SPTLC1: variants seen among roughly 807,000 people sequenced by gnomAD.
SPTLC1 encodes the protein serine palmitoyltransferase long chain base subunit 1.
SPTLC1 carries 55 observed loss-of-function variants against 68.9 expected under a neutral mutation model. The ratio of observed to expected loss-of-function variants is 0.80; its 90% CI spans 0.64 to 1.00. The LOEUF (loss-of-function observed/expected upper bound fraction) is 1.00, where lower values mean the gene tolerates loss of function less well. Among genes scored for constraint, SPTLC1 ranks in the 50% least tolerant of loss-of-function variants. SPTLC1 has a pLI of 0.00. For missense variants in SPTLC1, 449 were observed against 573.1 expected (o/e 0.78, Z 2.21); for synonymous variants, 197 against 201.6 (o/e 0.98, Z 0.19).
At chr9:92,036,160 G>GT (rs1397905466) in intron 13 of SPTLC1, among the ~76,000 whole-genome samples, 1 of 152,190 alleles carries the variant, frequency 6.6e-6, no homozygotes, top group Admixed American at 6.6e-5. Context: ...TATCAATGAA[G>GT]TTTCTAGATA....
intron 1 of SPTLC1, among the ~76,000 whole-genome samples, chr9:92,113,696 G>A (rs1247119821): frequency 2.6e-5 from 4 of 152,170 alleles, no homozygotes; most frequent in Non-Finnish European, 4.4e-5. Context: ...TAATACATGA[G>A]CATAAGACAG....
At position 92,114,205 on chromosome 9, in the gene SPTLC1, C is replaced by A. The variant is rs143944489; in HGVS notation, c.57+1109G>T. ...GGATCGCTTGAGTCTGGGAGGTCAA[C>A]GCAGCAGTGAGCTGATCGCACCACT... On this transcript the variant is annotated intron_variant, in intron 1 of 14. Transcript: ENST00000262554. 1.7e-3 allele frequency among the ~76,000 whole-genome samples: 251 copies of A among 152,004 alleles called. 2 individuals carry two copies. Among genetic ancestry groups the A allele is most frequent in the African/African-American group, 5.5e-3 (230 of 41,480 alleles).
At chr9:92,108,248 T>TA (rs569761144) in intron 3 of SPTLC1, 66 of 165,790 alleles carry the variant, frequency 4.0e-4, no homozygotes, top group Middle Eastern at 3.1e-3. Context: ...GAATGAAAAG[T>TA]AAAAAATAGA....
intron 6 of SPTLC1, among the ~76,000 whole-genome samples, chr9:92,059,545 C>G (rs187826813): frequency 6.6e-6 from 1 of 152,308 alleles, no homozygotes; most frequent in East Asian, 1.9e-4. Context: ...ATATTAATCT[C>G]TCTGAAATTA....
intron 2 of SPTLC1, 80 bp downstream of exon 2, chr9:92,112,375 G>T: frequency 9.8e-7 from 1 of 1,017,628 alleles, no homozygotes. Flanking sequence ...ACATGGTTGA[G>T]CCACCACAAA....
At chr9:92,066,086 T>C (rs1337555265) in intron 6 of SPTLC1, among the ~76,000 whole-genome samples, 1 of 152,192 alleles carries the variant, frequency 6.6e-6, no homozygotes, top group Non-Finnish European at 1.5e-5. Flanking sequence ...CATTACTAAA[T>C]GATAAATACT....
At chr9:92,113,761 A>G (rs780331506) in intron 1 of SPTLC1, among the ~76,000 whole-genome samples, 1 of 152,226 alleles carries the variant, frequency 6.6e-6, no homozygotes, top group African/African-American at 2.4e-5. Context: ...ATGTCCTGCA[A>G]TGGAAGACAC....
chr9:92,100,065 A>G (rs1014268864), intron 3 of SPTLC1, among the ~76,000 whole-genome samples: 12 of 151,850 alleles, frequency 7.9e-5, no homozygotes, highest in Admixed American at 2.0e-4. Context: ...AAACCTGGGG[A>G]AAAAAAAGTC....
chr9:92,051,224 A>C (rs1833693724), intron 8 of SPTLC1: 1 of 982,896 alleles, frequency 1.0e-6, no homozygotes, highest in Non-Finnish European at 1.2e-6. Flanking sequence ...AAACATTTAA[A>C]AACAACATAT....
chr9:92,053,980 C>A, intron 8 of SPTLC1: 1 of 985,380 alleles, frequency 1.0e-6, no homozygotes, highest in Non-Finnish European at 1.2e-6. Context: ...GCTGCTTTCA[C>A]TATTAAAAAG....
chr9:92,087,571 C>T lies in SPTLC1; in HGVS notation c.261-6608G>A, dbSNP rs1200044312. Among the ~76,000 whole-genome samples the T allele has an allele frequency of 6.6e-5, 10 of 152,280 alleles. No homozygotes were observed. In the South Asian group the frequency reaches 1.9e-3, roughly 28 times the overall value. On this transcript the variant is annotated intron_variant, in intron 3 of 14. Coordinates refer to ENST00000262554, the MANE Select transcript of SPTLC1 (RefSeq NM_006415.4). ...TGCAGAACAGCGGATTTTCGTGAAC[C>T]GGGAATGCTGCTGTCTGATCGTTCC... is the stretch of plus-strand genomic sequence containing the variant.
At chr9:92,056,315 C>T (rs1189004678) in intron 7 of SPTLC1, among the ~76,000 whole-genome samples, 3 of 152,118 alleles carry the variant, frequency 2.0e-5, no homozygotes, top group Non-Finnish European at 4.4e-5. Flanking sequence ...CTGCAACCTC[C>T]GCCTCCAGGG....
intron 3 of SPTLC1, among the ~76,000 whole-genome samples, chr9:92,100,725 G>A (rs1835715645): frequency 6.6e-6 from 1 of 150,806 alleles, no homozygotes; most frequent in Non-Finnish European, 1.5e-5. Flanking sequence ...TCCTGACACC[G>A]CCGCCTTCTC....
At chr9:92,076,989 C>T (rs1157740963) in intron 5 of SPTLC1, 1 of 152,182 alleles carries the variant, frequency 6.6e-6, no homozygotes, top group East Asian at 1.9e-4. Flanking sequence ...TTTCCCAAGC[C>T]CTCGGTATTC....
intron 3 of SPTLC1, 117 bp downstream of exon 3, chr9:92,108,623 G>A: frequency 6.8e-7 from 1 of 1,470,558 alleles, no homozygotes; most frequent in Non-Finnish European, 9.4e-7. Flanking sequence ...TTACTCCTGG[G>A]AACTTCAAAA....
chr9:92,060,169 G>C (rs1432563804), intron 6 of SPTLC1, among the ~76,000 whole-genome samples: 1 of 152,172 alleles, frequency 6.6e-6, no homozygotes, highest in Non-Finnish European at 1.5e-5. Context: ...GCAGTATGAG[G>C]CAGCAGTCCC....
chr9:92,034,933 G>A (rs758523980), intron 13 of SPTLC1, 50 bp from the exon 14 acceptor site: 6 of 1,455,314 alleles, frequency 4.1e-6, no homozygotes, highest in South Asian at 2.3e-5. Context: ...AGACATGGTG[G>A]TAATTAAACT....
At chr9:92,081,114 G>C in intron 3 of SPTLC1, 151 bp from the exon 4 acceptor site, 1 of 647,996 alleles carries the variant, frequency 1.5e-6, no homozygotes, top group Non-Finnish European at 2.8e-6. Context: ...AGTAATATTA[G>C]AGCATGGTAC....
chr9:92,103,234 G>C (rs143822872), intron 3 of SPTLC1, among the ~76,000 whole-genome samples: 1 of 152,148 alleles, frequency 6.6e-6, no homozygotes, highest in East Asian at 1.9e-4. Context: ...GGGGTGAAAG[G>C]CTCCATTAGA....
Sources: allele counts gnomAD v4.1 joint callset (sites outside exome capture counted in the v4.1 genomes callset), GRCh38; gene constraint gnomAD v4.1.1; transcripts MANE v1.5; gene names NCBI Gene and HGNC (gene_info 2026-07-23, HGNC 2026-07-21).